Variants in OTUD4 observed in about 807,000 individuals in gnomAD.
The protein encoded by OTUD4 is OTU deubiquitinase 4, also known as OTU domain-containing protein 4.
OTUD4 carries 24 observed loss-of-function variants against 130.4 expected under a neutral mutation model. The ratio of observed to expected loss-of-function variants is 0.18; its 90% CI spans 0.13 to 0.26. The LOEUF is 0.26. Ranked by LOEUF, OTUD4 falls within the 10% of genes least tolerant of loss-of-function variation. The probability of loss-of-function intolerance (pLI) is 1.00; values close to 1 mark genes in which losing one functional copy is unlikely to be tolerated. For missense variants in OTUD4, 1,031 were observed against 1,329.4 expected (o/e 0.78, Z 3.49); for synonymous variants, 420 against 472.5 (o/e 0.89, Z 1.44).
intron 19 of OTUD4, among the ~76,000 whole-genome samples, chr4:145,140,585 TAAAG>T (rs988887217): frequency 2.6e-5 from 4 of 152,008 alleles, no homozygotes; most frequent in African/African-American, 9.7e-5. Context: ...TCCTTAAAAA[TAAAG>T]AGGGAAAGCA....
At chr4:145,163,938 C>G (rs1751718592) in intron 5 of OTUD4, among the ~76,000 whole-genome samples, 1 of 152,044 alleles carries the variant, frequency 6.6e-6, no homozygotes, top group Non-Finnish European at 1.5e-5. Context: ...AAATTCCTGA[C>G]CTCAAGTGAT....
intron 13 of OTUD4, among the ~76,000 whole-genome samples, chr4:145,147,495 A>G (rs1750880184): frequency 6.6e-6 from 1 of 152,112 alleles, no homozygotes; most frequent in Non-Finnish European, 1.5e-5. Context: ...CCTTATCACC[A>G]TCTCCTATCA....
At chr4:145,173,293 C>A (rs151336459) in intron 2 of OTUD4, among the ~76,000 whole-genome samples, 2 of 152,170 alleles carry the variant, frequency 1.3e-5, no homozygotes, top group East Asian at 3.9e-4. Context: ...ACACTGGAGG[C>A]TGAGGCAGGA....
Position 145,151,835 on chromosome 4 carries a change from G to C in OTUD4, c.968+706C>G, listed in dbSNP as rs944033994. On this transcript the variant is annotated intron_variant, in intron 11 of 20. Transcript: ENST00000447906. Reference sequence around the variant, plus strand: ...AAAGCCCAGCGGCAACTGAAACAAAGATGCTCTAAAATAACACTGTATAAG... The same window carrying C: ...AAAGCCCAGCGGCAACTGAAACAAACATGCTCTAAAATAACACTGTATAAG... Among the ~76,000 whole-genome samples the C allele has an allele frequency of 2.6e-5, 4 of 152,230 alleles. No individual in the cohort carries two copies. The East Asian group carries it at 7.7e-4, about 29-fold the overall frequency.
intron 14 of OTUD4, 49 bp from the exon 15 acceptor site, chr4:145,144,483 G>C: frequency 6.4e-7 from 1 of 1,562,176 alleles, no homozygotes; most frequent in Non-Finnish European, 8.7e-7. Flanking sequence ...TTTACCCACA[G>C]ATACATGAAC....
chr4:145,170,608 CT>C (rs892707995), intron 3 of OTUD4, among the ~76,000 whole-genome samples: 1 of 152,150 alleles, frequency 6.6e-6, no homozygotes, highest in Non-Finnish European at 1.5e-5. Flanking sequence ...GATAGGGAAA[CT>C]TTTTTGTTAT....
chr4:145,177,043 T>C (rs1202754822), intron 1 of OTUD4, among the ~76,000 whole-genome samples: 1 of 152,250 alleles, frequency 6.6e-6, no homozygotes, highest in African/African-American at 2.4e-5. Flanking sequence ...GGACTATCTA[T>C]ATATAAAAAT....
chr4:145,157,483 G>A (rs889505132), intron 7 of OTUD4, among the ~76,000 whole-genome samples: 4 of 152,088 alleles, frequency 2.6e-5, no homozygotes, highest in African/African-American at 9.7e-5. Flanking sequence ...GAGTTCAGGA[G>A]TTCGAGACCA....
intron 5 of OTUD4, 144 bp downstream of exon 5, chr4:145,164,010 A>G: frequency 3.8e-6 from 2 of 521,296 alleles, no homozygotes; most frequent in Middle Eastern, 5.4e-4. Context: ...ACCCGGCTAT[A>G]GGAACTTTTA....
At chr4:145,148,499 C>CAA (rs1266356650) in intron 13 of OTUD4, among the ~76,000 whole-genome samples, 16 of 93,672 alleles carry the variant, frequency 1.7e-4, no homozygotes, top group Non-Finnish European at 2.6e-4. Flanking sequence ...AACTCCGTCT[C>CAA]AAAAAAAAAA....
chr4:145,174,183 CA>C (rs1752312553), intron 2 of OTUD4, among the ~76,000 whole-genome samples: 1 of 152,196 alleles, frequency 6.6e-6, no homozygotes, highest in African/African-American at 2.4e-5. Flanking sequence ...TTAGTAGACA[CA>C]GAGTTTTGCC....
In OTUD4 at chr4:145,146,391, G is replaced by C. The variant is rs963659051; in HGVS notation, c.1298C>G (p.Thr433Arg). The change falls in exon 14 of 21, where the codon ACA becomes AGA. Residue 433 changes from threonine to arginine, a missense_variant. Around this residue, in one of 3 missense-constraint regions of OTUD4, gnomAD observed 900 missense variants for 1,095.9 expected, o/e 0.82. Coordinates refer to ENST00000447906, the MANE Select transcript of OTUD4 (RefSeq NM_001366057.1). ...DRERVEDFDH[T>R]SRESNYFGLS... is the part of the protein sequence containing the mutation. ...GCCGAAATAGTTAGATTCTCGACTTGTGTGATCAAAATCCTCAACTCTTTC... is the reference window on the plus strand; with the variant it reads ...GCCGAAATAGTTAGATTCTCGACTTCTGTGATCAAAATCCTCAACTCTTTC... 1.3e-6 allele frequency: 2 copies of C among 1,578,930 alleles called. No individual in the cohort carries two copies. Among genetic ancestry groups the C allele is most frequent in the Admixed American group, 1.9e-5 (1 of 53,958 alleles).
chr4:145,138,397 G>A lies in OTUD4; in HGVS notation c.2378C>T (p.Pro793Leu). The A allele has an allele frequency of 4.3e-6, 7 of 1,614,194 alleles. No individual in the cohort carries two copies. Among genetic ancestry groups the A allele is most frequent in the Non-Finnish European group, 5.9e-6 (7 of 1,180,030 alleles). The change falls in exon 21 of 21, where the codon CCT (proline) becomes CTT (leucine). Residue 793 changes from proline to leucine, a missense_variant. By Grantham distance (98) the Pro-to-Leu change is moderately conservative. Coordinates refer to ENST00000447906, the MANE Select transcript of OTUD4 (RefSeq NM_001366057.1). ...PEIGPPTFSS[P>L]LVIPPSQVSE... is the part of the protein sequence containing the mutation. ...CACCTGAGATGGAGGGATAACCAGA[G>A]GTGAAGAAAATGTCGGCGGTCCAAT...
chr4:145,154,143 CTCTTT>C (rs1454995868), intron 10 of OTUD4, among the ~76,000 whole-genome samples: 1 of 152,190 alleles, frequency 6.6e-6, no homozygotes, highest in African/African-American at 2.4e-5. Flanking sequence ...AAGCCATCTT[CTCTTT>C]TGAGAAGGGT....
chr4:145,142,371 GA>G, intron 17 of OTUD4, 37 bp from the exon 18 acceptor site: 1 of 1,600,098 alleles, frequency 6.2e-7, no homozygotes, highest in Non-Finnish European at 8.5e-7. Flanking sequence ...GACAGAAAAA[GA>G]CAAGAGGTCA....
intron 13 of OTUD4, among the ~76,000 whole-genome samples, 154 bp from the exon 14 acceptor site, chr4:145,146,583 T>C (rs141923294): frequency 5.9e-5 from 9 of 152,162 alleles, no homozygotes; most frequent in Non-Finnish European, 1.0e-4. Flanking sequence ...CTAATTTAGC[T>C]ACACTGACAT....
At chr4:145,159,216 A>G in intron 7 of OTUD4, 1 of 1,122,584 alleles carries the variant, frequency 8.9e-7, no homozygotes, top group African/African-American at 1.7e-5. Context: ...ATTTTACAAT[A>G]CACACACATA....
chr4:145,139,860 TACTG>T (rs1441376472), intron 20 of OTUD4, 87 bp downstream of exon 20: 5 of 467,226 alleles, frequency 1.1e-5, no homozygotes, highest in South Asian at 2.2e-5. Context: ...AACTTTAGGT[TACTG>T]ACTGACAGGG....
chr4:145,177,918 G>A (rs1171782375), intron 1 of OTUD4, among the ~76,000 whole-genome samples: 2 of 152,188 alleles, frequency 1.3e-5, no homozygotes, highest in Non-Finnish European at 1.5e-5. Context: ...AGGGAAGCCT[G>A]ACGCTGGTAT....
Sources: allele counts gnomAD v4.1 joint callset (sites outside exome capture counted in the v4.1 genomes callset), GRCh38; gene constraint gnomAD v4.1.1; regional missense constraint gnomAD v4.1.1; transcripts MANE v1.5; gene names NCBI Gene and HGNC (gene_info 2026-07-23, HGNC 2026-07-21).